Variants in OPA1 observed in about 807,000 individuals in gnomAD.
OPA1 encodes dynamin-like GTPase OPA1, mitochondrial.
A neutral mutation model predicts 152.9 loss-of-function variants in OPA1; 59 were observed. The ratio of observed to expected loss-of-function variants is 0.39; its 90% CI spans 0.31 to 0.48. The LOEUF (loss-of-function observed/expected upper bound fraction) is 0.48. OPA1 is among the 20% of genes least tolerant of loss of function. The pLI is 0.96. For missense variants in OPA1, 1,008 were observed against 1,216.8 expected, an observed-to-expected ratio of 0.83 and a Z score of 2.55; for synonymous variants, 400 against 389.9, an observed-to-expected ratio of 1.03 and a Z score of -0.31.
chr3:193,673,164 G>A (rs1020022997), intron 29 of OPA1, among the ~76,000 whole-genome samples: 1 of 152,126 alleles, frequency 6.6e-6, no homozygotes, highest in Non-Finnish European at 1.5e-5. Context: ...TTTCACTACT[G>A]TGCCAGAATC....
rs35801538 is a variant in OPA1, at chr3:193,615,742, G to A, written c.420G>A (p.Val140=). 5 of 1,611,018 alleles carry A rather than the reference G, an allele frequency of 3.1e-6. No homozygotes were observed. The highest frequency in any genetic ancestry group is 1.1e-5 in the South Asian group (1 of 91,024). ...SEYKWIVPDI[V]WEIDEYIDFE... The stretch of plus-strand genomic sequence containing the variant: ...ATAAATGGATTGTGCCTGACATTGT[G>A]TGGGAAATTGATGAGTATATCGATT... Residue 140 remains valine (V), a synonymous_variant, in exon 3 of 31, where the codon GTG becomes GTA. Coordinates refer to ENST00000361510, the MANE Select transcript of OPA1 (RefSeq NM_130837.3).
intron 3 of OPA1, among the ~76,000 whole-genome samples, chr3:193,616,566 G>A (rs1223545470): frequency 6.6e-6 from 1 of 152,048 alleles, no homozygotes; most frequent in East Asian, 1.9e-4. Context: ...TGGATACCTT[G>A]GTTATCTCTA....
chr3:193,695,686 AC>A lies in OPA1; in HGVS notation c.*1087del, dbSNP rs1422603534. On this transcript the variant is annotated 3_prime_UTR_variant, in exon 31 of 31. Coordinates refer to ENST00000361510, the MANE Select transcript of OPA1 (RefSeq NM_130837.3). Reference sequence around the variant, plus strand: ...ATTCAAGCAAAGAAATGCTTTCTTTACTTAAAATGTCTATCTCATTTGCTGC... The same window carrying A: ...ATTCAAGCAAAGAAATGCTTTCTTTATTAAAATGTCTATCTCATTTGCTGC... 1 of 152,206 alleles carries A rather than the reference AC, an allele frequency of 6.6e-6. No individual in the cohort carries two copies. The highest frequency in any genetic ancestry group is 6.5e-5 in the Admixed American group (1 of 15,282). 9.4% of individuals were successfully genotyped at this position (152,206 alleles called of 1,614,324 possible). A position where few individuals can be genotyped will look rare whatever the true frequency, so the allele number is the denominator to read the frequency against.
Position 193,696,181 on chromosome 3 carries a change from A to C in OPA1, c.*1581A>C, listed in dbSNP as rs976048011. ...AATGCATGTTAATGAATATTTTTGC[A>C]GTTGTAAAGCATAACAATTACAACT... On this transcript the variant is annotated 3_prime_UTR_variant, in exon 31 of 31. Transcript: ENST00000361510. 1 of 152,244 alleles carries C rather than the reference A, an allele frequency of 6.6e-6. No homozygotes were observed. Among genetic ancestry groups the C allele is most frequent in the Non-Finnish European group, 1.5e-5 (1 of 68,042 alleles). 9.4% of individuals were successfully genotyped at this position (152,244 alleles called of 1,614,324 possible).
intron 9 of OPA1, among the ~76,000 whole-genome samples, chr3:193,635,874 G>T (rs772091985): frequency 6.6e-6 from 1 of 152,038 alleles, no homozygotes; most frequent in African/African-American, 2.4e-5. Context: ...TATCATCATT[G>T]CTTTACTTGT....
At chr3:193,639,583 G>A (rs552590980) in intron 11 of OPA1, among the ~76,000 whole-genome samples, 12 of 152,296 alleles carry the variant, frequency 7.9e-5, no homozygotes, top group East Asian at 1.9e-4. Context: ...AGCCATGGTC[G>A]GGGCAAATGA....
chr3:193,600,468 A>G (rs2108792948), intron 1 of OPA1, among the ~76,000 whole-genome samples: 1 of 152,364 alleles, frequency 6.6e-6, no homozygotes, highest in South Asian at 2.1e-4. Flanking sequence ...CAGTGCACCA[A>G]GGGGACTATT....
intron 7 of OPA1, among the ~76,000 whole-genome samples, chr3:193,628,170 G>A (rs561426199): frequency 1.3e-5 from 2 of 152,034 alleles, no homozygotes; most frequent in African/African-American, 2.4e-5. Flanking sequence ...GCATAAAACC[G>A]CAAGTACTTT....
chr3:193,647,213 T>G, intron 19 of OPA1, 33 bp downstream of exon 19: 1 of 1,378,876 alleles, frequency 7.3e-7, no homozygotes. Context: ...GCAAGCAAAT[T>G]AAGACATTTT....
chr3:193,642,185 T>G (rs1170726915), intron 11 of OPA1, among the ~76,000 whole-genome samples: 1 of 152,218 alleles, frequency 6.6e-6, no homozygotes, highest in Non-Finnish European at 1.5e-5. Flanking sequence ...AAGCCTGTCG[T>G]AGCTCCCTTA....
intron 28 of OPA1, among the ~76,000 whole-genome samples, chr3:193,666,843 G>A (rs1431878851): frequency 6.6e-6 from 1 of 152,050 alleles, no homozygotes; most frequent in Non-Finnish European, 1.5e-5. Context: ...ATCATAATTG[G>A]AAAAGATGGG....
In OPA1 at chr3:193,606,585, A is replaced by G. The variant is rs985012534; in HGVS notation, c.33-8138A>G. 2.8e-4 allele frequency among the ~76,000 whole-genome samples: 43 copies of G among 152,318 alleles called. 1 individual carries two copies. The highest frequency in any genetic ancestry group is 1.9e-3 in the South Asian group (9 of 4,820). On this transcript the variant is annotated intron_variant, in intron 1 of 30. Transcript: ENST00000361510. Reference sequence around the variant, plus strand: ...TCCAGCTTCATCCATGTCCCTACAAAGGACATTAACTCATCATTTTTTATG... The same window carrying G: ...TCCAGCTTCATCCATGTCCCTACAAGGGACATTAACTCATCATTTTTTATG...
intron 29 of OPA1, among the ~76,000 whole-genome samples, chr3:193,680,682 A>C (rs141077972): frequency 1.4e-4 from 21 of 152,356 alleles, no homozygotes; most frequent in African/African-American, 5.0e-4. Flanking sequence ...GGAATAAGAG[A>C]AAAAGAAGAA....
chr3:193,624,641 C>A (rs1730738812), intron 6 of OPA1, among the ~76,000 whole-genome samples: 1 of 151,928 alleles, frequency 6.6e-6, no homozygotes, highest in African/African-American at 2.4e-5. Context: ...AAAGACATGT[C>A]TTTTTATAAC....
At chr3:193,680,766 C>T (rs1227313422) in intron 29 of OPA1, among the ~76,000 whole-genome samples, 5 of 151,932 alleles carry the variant, frequency 3.3e-5, no homozygotes, top group African/African-American at 9.7e-5. Flanking sequence ...AATTAATTGC[C>T]TAAATCATAT....
At chr3:193,624,377 G>C (rs1003722978) in intron 6 of OPA1, 1 of 152,096 alleles carries the variant, frequency 6.6e-6, no homozygotes, top group Non-Finnish European at 1.5e-5. Flanking sequence ...AAATACAGCA[G>C]GTACACTACT....
intron 29 of OPA1, among the ~76,000 whole-genome samples, chr3:193,685,097 T>A (rs1281710815): frequency 6.6e-6 from 1 of 151,914 alleles, no homozygotes; most frequent in Non-Finnish European, 1.5e-5. Flanking sequence ...GTCAGGAGTT[T>A]GAGACCAGCC....
chr3:193,685,941 TC>T (rs2109423567), intron 29 of OPA1, among the ~76,000 whole-genome samples: 1 of 152,336 alleles, frequency 6.6e-6, no homozygotes, highest in Non-Finnish European at 1.5e-5. Flanking sequence ...TACAACATTG[TC>T]ATATATTTTA....
rs1353979756 is a variant in OPA1, at chr3:193,695,859, A to C, written c.*1259A>C. On this transcript the variant is annotated 3_prime_UTR_variant, in exon 31 of 31. Coordinates refer to ENST00000361510, the MANE Select transcript of OPA1 (RefSeq NM_130837.3). ...CCATTTTATTGTTTTACATCAATGC[A>C]TGCTTCGTTGTGATCCCTCAAGATG... 1.3e-5 allele frequency: 2 copies of C among 152,196 alleles called. No individual in the cohort carries two copies. The highest frequency in any genetic ancestry group is 4.8e-5 in the African/African-American group (2 of 41,450). The allele number at this position is 152,196 out of a possible 1,614,324, so 9.4% of individuals were successfully genotyped here.
Sources: gnomAD v4.1 joint callset for allele counts (sites outside exome capture counted in the v4.1 genomes callset) on GRCh38, gnomAD v4.1.1 for gene constraint, MANE v1.5 for transcripts, NCBI Gene and HGNC (gene_info 2026-07-23, HGNC 2026-07-21) for gene names.